AP2B1: variants seen among roughly 807,000 people sequenced by gnomAD.
The protein encoded by AP2B1 is AP-2 complex subunit beta.
AP2B1 carries 23 observed loss-of-function variants against 102.0 expected under a neutral mutation model. The ratio of observed to expected loss-of-function variants is 0.23; its 90% CI spans 0.16 to 0.32. AP2B1 has a LOEUF of 0.32. Among genes scored for constraint, AP2B1 ranks in the 10% least tolerant of loss-of-function variants. AP2B1 has a pLI of 1.00. For synonymous variants in AP2B1, 381 were observed against 421.2 expected (o/e 0.90, Z 1.17); for missense variants, 541 against 1,157.4 (o/e 0.47, Z 7.73).
intron 21 of AP2B1, among the ~76,000 whole-genome samples, chr17:35,718,476 T>C (rs587643969): frequency 1.5e-4 from 23 of 152,222 alleles, no homozygotes; most frequent in African/African-American, 5.5e-4. Context: ...GTCTCATCTC[T>C]TTTGGAGAGT....
chr17:35,724,498 C>G lies in AP2B1; in HGVS notation c.*799C>G, dbSNP rs1419424961. 1.3e-5 allele frequency: 2 copies of G among 152,188 alleles called. No individual in the cohort carries two copies. The highest frequency in any genetic ancestry group is 2.9e-5 in the Non-Finnish European group (2 of 68,040). 9.4% of individuals were successfully genotyped at this position (152,188 alleles called of 1,614,324 possible). ...CTTTCCCCTGAACAAACCTGCTAAT[C>G]CCACTAATTCAGGAATTTGAGTAGA... On this transcript the variant is annotated 3_prime_UTR_variant, in exon 22 of 22. Coordinates refer to ENST00000610402, the MANE Select transcript of AP2B1 (RefSeq NM_001030006.2).
At chr17:35,663,478 T>A (rs556999250) in intron 14 of AP2B1, among the ~76,000 whole-genome samples, 9 of 152,368 alleles carry the variant, frequency 5.9e-5, no homozygotes, top group Non-Finnish European at 1.3e-4. Flanking sequence ...TCAAAGTTTG[T>A]ACACTTTATA....
chr17:35,723,416 G>A (rs996642109), intron 21 of AP2B1, among the ~76,000 whole-genome samples: 2 of 152,218 alleles, frequency 1.3e-5, no homozygotes, highest in African/African-American at 2.4e-5. Context: ...ACATGGAATG[G>A]AGGTAGAAGC....
chr17:35,605,008 C>G (rs141954922), intron 3 of AP2B1, among the ~76,000 whole-genome samples: 1 of 152,048 alleles, frequency 6.6e-6, no homozygotes, highest in Non-Finnish European at 1.5e-5. Context: ...ACTGCAGTCT[C>G]GACCTCCTGC....
Position 35,709,301 on chromosome 17 carries a change from C to T in AP2B1, c.2532C>T (p.Gly844=), listed in dbSNP as rs2143007568. The T allele has an allele frequency of 6.2e-7, 1 of 1,613,450 alleles. No individual in the cohort carries two copies. The change falls in exon 19 of 22, where the codon GGC becomes GGT. Residue 844 remains glycine (G), a synonymous_variant. Coordinates refer to ENST00000610402, the MANE Select transcript of AP2B1 (RefSeq NM_001030006.2). ...IPLNVLFVED[G]KMERQVFLAT... ...TCAATGTGCTTTTTGTAGAAGATGG[C>T]AAAATGGGTAAGTACCTTCCTGCCT...
intron 18 of AP2B1, among the ~76,000 whole-genome samples, chr17:35,705,789 A>C (rs2076329231): frequency 6.6e-6 from 1 of 151,978 alleles, no homozygotes; most frequent in African/African-American, 2.4e-5. Flanking sequence ...CCCAAGGCTC[A>C]CATGGTGGCT....
At chr17:35,676,345 G>A (rs1469473458) in intron 17 of AP2B1, among the ~76,000 whole-genome samples, 1 of 151,766 alleles carries the variant, frequency 6.6e-6, no homozygotes, top group East Asian at 1.9e-4. Flanking sequence ...CACTATAATT[G>A]TACCTTTTCT....
intron 5 of AP2B1, chr17:35,621,350 G>C (rs1401971024): frequency 1.0e-6 from 1 of 985,096 alleles, no homozygotes; most frequent in Non-Finnish European, 1.2e-6. Context: ...CAGGAAAACT[G>C]AGAGTGCTGC....
chr17:35,711,385 G>A (rs1240463731), intron 20 of AP2B1, among the ~76,000 whole-genome samples: 5 of 151,178 alleles, frequency 3.3e-5, no homozygotes, highest in African/African-American at 1.2e-4. Flanking sequence ...ACTGGGGAAA[G>A]GAGGCAACAC....
intron 1 of AP2B1, among the ~76,000 whole-genome samples, 195 bp from the exon 2 acceptor site, chr17:35,593,813 G>A (rs1003914250): frequency 6.6e-6 from 1 of 152,124 alleles, no homozygotes; most frequent in African/African-American, 2.4e-5. Context: ...TTAGATTTTT[G>A]CCCCATTAGC....
In AP2B1 at chr17:35,639,855, G is replaced by A. The variant is rs745948135; in HGVS notation, c.1437+95G>A. The A allele has an allele frequency of 5.6e-6, 6 of 1,080,510 alleles. No homozygotes were observed. In the East Asian group the frequency reaches 1.5e-4, roughly 26 times the overall value. The allele number at this position is 1,080,510 out of a possible 1,614,324, so 66.9% of individuals were successfully genotyped here. A position where few individuals can be genotyped will look rare whatever the true frequency, so the allele number is the denominator to read the frequency against. On this transcript the variant is annotated intron_variant, in intron 11 of 21. Transcript: ENST00000610402. ...GTTATAGGCAGTTTCTTCTGTGTCTGTATTTACATATAGTATGTTCATTTT... is the reference window on the plus strand; with the variant it reads ...GTTATAGGCAGTTTCTTCTGTGTCTATATTTACATATAGTATGTTCATTTT...
intron 12 of AP2B1, among the ~76,000 whole-genome samples, chr17:35,650,306 G>C (rs1430757909): frequency 6.6e-6 from 1 of 152,016 alleles, no homozygotes; most frequent in African/African-American, 2.4e-5. Context: ...CGTTGCCCAG[G>C]CTGATCTCAA....
intron 20 of AP2B1, among the ~76,000 whole-genome samples, chr17:35,715,691 GT>G (rs1294168980): frequency 3.3e-5 from 5 of 152,326 alleles, no homozygotes; most frequent in African/African-American, 1.2e-4. Context: ...CCCCCACAAG[GT>G]GATTAAAAGG....
At chr17:35,682,666 C>G (rs1335799382) in intron 17 of AP2B1, 29 bp from the exon 18 acceptor site, 4 of 1,591,810 alleles carry the variant, frequency 2.5e-6, no homozygotes, top group African/African-American at 1.4e-5. Context: ...CTTGATTAAC[C>G]TCTGTGATTT....
At chr17:35,667,041 G>C (rs1474482678) in intron 14 of AP2B1, among the ~76,000 whole-genome samples, 1 of 152,164 alleles carries the variant, frequency 6.6e-6, no homozygotes. Context: ...CAACTTTCTT[G>C]TGTAGTTGTT....
At chr17:35,668,042 A>G (rs1187627563) in intron 14 of AP2B1, among the ~76,000 whole-genome samples, 1 of 151,004 alleles carries the variant, frequency 6.6e-6, no homozygotes. Context: ...GGTTTAAGCA[A>G]TTCTCCTGTA....
chr17:35,708,660 A>T (rs1024499955), intron 18 of AP2B1, among the ~76,000 whole-genome samples: 14 of 152,216 alleles, frequency 9.2e-5, no homozygotes, highest in Non-Finnish European at 1.6e-4. Context: ...TTTAAAACTG[A>T]TATTTAAAAA....
chr17:35,678,762 C>T (rs970673784), intron 17 of AP2B1, among the ~76,000 whole-genome samples: 1 of 152,040 alleles, frequency 6.6e-6, no homozygotes, highest in Non-Finnish European at 1.5e-5. Context: ...TTGGCAGAAA[C>T]TTTTTTACAT....
intron 21 of AP2B1, 59 bp downstream of exon 21, chr17:35,717,408 A>T: frequency 6.3e-7 from 1 of 1,590,958 alleles, no homozygotes; most frequent in Non-Finnish European, 8.6e-7. Context: ...GAGCCCTTTC[A>T]TGTTTACTTA....
Sources: allele counts gnomAD v4.1 joint callset (sites outside exome capture counted in the v4.1 genomes callset), GRCh38; gene constraint gnomAD v4.1.1; transcripts MANE v1.5; gene names NCBI Gene and HGNC (gene_info 2026-07-23, HGNC 2026-07-21).